The following SLC38A1 variants were observed in gnomAD, a reference collection of about 807,000 sequenced individuals.
SLC38A1 encodes the protein solute carrier family 38 member 1, also known as sodium-coupled neutral amino acid symporter 1.
Under a neutral mutation model 60.3 loss-of-function variants are expected in SLC38A1, and 18 were observed. The observed-to-expected ratio is 0.30, with a 90% CI of 0.21 to 0.44. The LOEUF (loss-of-function observed/expected upper bound fraction) is 0.44. SLC38A1 is among the 20% of genes least tolerant of loss of function. The pLI is 1.00. For synonymous variants in SLC38A1, 196 were observed against 212.1 expected (o/e 0.92, Z 0.66); for missense variants, 448 against 587.2 (o/e 0.76, Z 2.45).
At chr12:46,241,830 C>T (rs751846445) in intron 2 of SLC38A1, among the ~76,000 whole-genome samples, 1 of 152,184 alleles carries the variant, frequency 6.6e-6, no homozygotes, top group Non-Finnish European at 1.5e-5. Context: ...GTGACTACAT[C>T]CCAGGCTACT....
Position 46,268,417 on chromosome 12 carries a change from C to G in SLC38A1, c.-209+109G>C, listed in dbSNP as rs1942433450. 1 of 153,346 alleles carries G rather than the reference C, an allele frequency of 6.5e-6. No individual in the cohort carries two copies. The highest frequency in any genetic ancestry group is 1.5e-5 in the Non-Finnish European group (1 of 68,534). The allele number at this position is 153,346 out of a possible 1,614,324, so 9.5% of individuals were successfully genotyped here. A position where few individuals can be genotyped will look rare whatever the true frequency, so the allele number is the denominator to read the frequency against. On this transcript the variant is annotated intron_variant, in intron 1 of 16. Coordinates refer to ENST00000398637, the MANE Select transcript of SLC38A1 (RefSeq NM_030674.4). This position sits in a 1 kb window ranked among gnomAD's most constrained non-coding sequence, Gnocchi z 4.4. ...AAAGCATCGGGCACAGCCGAGCTCT[C>G]TCTGCTTTCACGCCCGCAGAGATGA...
intron 2 of SLC38A1, among the ~76,000 whole-genome samples, chr12:46,241,416 T>C (rs1177368458): frequency 1.3e-5 from 2 of 152,174 alleles, no homozygotes; most frequent in African/African-American, 4.8e-5. Context: ...ATTCACACAG[T>C]CTCCTATCTA....
At chr12:46,263,676 G>A (rs981040444) in intron 1 of SLC38A1, among the ~76,000 whole-genome samples, 5 of 151,556 alleles carry the variant, frequency 3.3e-5, no homozygotes, top group South Asian at 2.1e-4. Flanking sequence ...TTCCATTGTC[G>A]CTTTCTTTTC....
chr12:46,267,947 C>A (rs1302836540), intron 1 of SLC38A1, among the ~76,000 whole-genome samples: 1 of 152,208 alleles, frequency 6.6e-6, no homozygotes, highest in Non-Finnish European at 1.5e-5. Context: ...CGCCCTCCTA[C>A]TTCCCCGCGT....
At chr12:46,237,263 G>A (rs753674920) in intron 3 of SLC38A1, among the ~76,000 whole-genome samples, 1 of 152,160 alleles carries the variant, frequency 6.6e-6, no homozygotes, top group Non-Finnish European at 1.5e-5. Context: ...TGAGAAAGCC[G>A]CAGGAAGAAT....
intron 11 of SLC38A1, among the ~76,000 whole-genome samples, chr12:46,203,792 G>T (rs908409345): frequency 6.6e-6 from 1 of 152,196 alleles, no homozygotes; most frequent in Non-Finnish European, 1.5e-5. Context: ...ATACAGAATA[G>T]AATACTTATT....
rs1452737957 is a variant in SLC38A1 at position 46,185,867 on chromosome 12, T to C, written c.*3103A>G. 6.6e-6 allele frequency: 1 copy of C among 152,170 alleles called. No individual in the cohort carries two copies. 9.4% of individuals were successfully genotyped at this position (152,170 alleles called of 1,614,324 possible). A position where few individuals can be genotyped will look rare whatever the true frequency, so the allele number is the denominator to read the frequency against. On this transcript the variant is annotated 3_prime_UTR_variant, in exon 17 of 17. Coordinates refer to ENST00000398637, the MANE Select transcript of SLC38A1 (RefSeq NM_030674.4). ...GACACCATGTTTCAGGCCAATCTGG[T>C]CACCTGTAGTCTGGTGGCATCTCTA...
chr12:46,241,604 AAC>A (rs1386542179), intron 2 of SLC38A1, among the ~76,000 whole-genome samples: 23 of 152,228 alleles, frequency 1.5e-4, no homozygotes, highest in Admixed American at 1.2e-3. Flanking sequence ...TGATTCCTCT[AAC>A]CACAGTGGTG....
intron 3 of SLC38A1, among the ~76,000 whole-genome samples, chr12:46,236,206 C>G (rs1180393434): frequency 2.6e-5 from 4 of 152,184 alleles, no homozygotes; most frequent in African/African-American, 9.6e-5. Flanking sequence ...AGTTACATTA[C>G]TATTAACCCA....
intron 2 of SLC38A1, 52 bp downstream of exon 2, chr12:46,243,148 G>C (rs936442613): frequency 4.6e-5 from 7 of 151,612 alleles, no homozygotes; most frequent in African/African-American, 7.3e-5. Flanking sequence ...AGAAAAGTTA[G>C]AAAATACAAT....
chr12:46,262,675 T>C (rs1326019981), intron 1 of SLC38A1, among the ~76,000 whole-genome samples: 1 of 152,178 alleles, frequency 6.6e-6, no homozygotes, highest in Non-Finnish European at 1.5e-5. Flanking sequence ...AGCTAAGTTA[T>C]GACTCCTAAC....
intron 1 of SLC38A1, among the ~76,000 whole-genome samples, chr12:46,258,981 G>A (rs912870285): frequency 3.3e-5 from 5 of 152,128 alleles, no homozygotes; most frequent in South Asian, 2.1e-4. Context: ...GATTAGGGAT[G>A]CTCAACCTGT....
At chr12:46,206,263 T>C in intron 8 of SLC38A1, 101 bp from the exon 9 acceptor site, 2 of 598,954 alleles carry the variant, frequency 3.3e-6, no homozygotes, top group Non-Finnish European at 5.7e-6. Flanking sequence ...TTTTTATTAA[T>C]TTTTACTATA....
intron 5 of SLC38A1, among the ~76,000 whole-genome samples, chr12:46,210,738 TTC>T (rs911515789): frequency 7.9e-5 from 12 of 152,312 alleles, no homozygotes; most frequent in South Asian, 4.1e-4. Flanking sequence ...TGTCTCTCAA[TTC>T]TCTCTTGTCT....
intron 16 of SLC38A1, among the ~76,000 whole-genome samples, chr12:46,195,243 G>T (rs1411878072): frequency 1.3e-5 from 2 of 151,260 alleles, no homozygotes; most frequent in Non-Finnish European, 2.9e-5. Flanking sequence ...TCCAGAATCT[G>T]TTTGCCTGGG....
rs979253216 is a variant in SLC38A1, at chr12:46,268,327, C to T, written c.-209+199G>A. Among the ~76,000 whole-genome samples, 2 of 152,196 alleles carry T rather than the reference C, an allele frequency of 1.3e-5. No individual in the cohort carries two copies. Among genetic ancestry groups the T allele is most frequent in the Non-Finnish European group, 2.9e-5 (2 of 68,036 alleles). ...ACTCGGGGGCCCTGGCGCTTCCTCC[C>T]GCTGCCGCGTGCGTTCGGGAAGCAC... On this transcript the variant is annotated intron_variant, in intron 1 of 16. Coordinates refer to ENST00000398637, the MANE Select transcript of SLC38A1 (RefSeq NM_030674.4). The surrounding 1 kb of genome is among the most constrained non-coding windows in gnomAD (Gnocchi z 4.4).
intron 5 of SLC38A1, among the ~76,000 whole-genome samples, chr12:46,226,463 C>T (rs1940865641): frequency 1.3e-5 from 2 of 151,172 alleles, no homozygotes; most frequent in South Asian, 2.1e-4. Context: ...GAGGACATAT[C>T]CCAAAAATTA....
intron 6 of SLC38A1, 78 bp from the exon 7 acceptor site, chr12:46,207,699 ATTGACTG>A: frequency 7.3e-7 from 1 of 1,373,670 alleles, no homozygotes; most frequent in Non-Finnish European, 1.0e-6. Flanking sequence ...TTGTCATTCT[ATTGACTG>A]TTCCCCAAGT....
chr12:46,223,595 C>CAACACAA (rs1940747527), intron 5 of SLC38A1, among the ~76,000 whole-genome samples: 1 of 152,068 alleles, frequency 6.6e-6, no homozygotes, highest in South Asian at 2.1e-4. Flanking sequence ...CCCACAACCA[C>CAACACAA]AACACAAATG....
Sources: allele counts gnomAD v4.1 joint callset (sites outside exome capture counted in the v4.1 genomes callset), GRCh38; gene constraint gnomAD v4.1.1; non-coding constraint Gnocchi (gnomAD v3.1); transcripts MANE v1.5; gene names NCBI Gene and HGNC (gene_info 2026-07-23, HGNC 2026-07-21).